The following NCAM2 variants were observed in gnomAD, a reference collection of about 807,000 sequenced individuals.
The protein encoded by NCAM2 is N-CAM-2.
NCAM2 carries 30 observed loss-of-function variants against 98.1 expected under a neutral mutation model. The observed-to-expected ratio is 0.31, with a 90% confidence interval of 0.23 to 0.41. The LOEUF (loss-of-function observed/expected upper bound fraction) is 0.41, where lower values mean the gene tolerates loss of function less well. Ranked by LOEUF, NCAM2 falls within the 10% of genes least tolerant of loss-of-function variation. The pLI is 1.00. For synonymous variants in NCAM2, 368 were observed against 342.4 expected, an observed-to-expected ratio of 1.07 and a Z score of -0.83; for missense variants, 867 against 1,005.8, an observed-to-expected ratio of 0.86 and a Z score of 1.87.
chr21:21,091,283 CT>C (rs972333818), intron 1 of NCAM2, among the ~76,000 whole-genome samples: 1 of 152,004 alleles, frequency 6.6e-6, no homozygotes, highest in East Asian at 1.9e-4. Flanking sequence ...TTATTACAGT[CT>C]TTTTTTATTT....
In NCAM2 at chr21:21,458,135, C is replaced by T. The variant is rs1982423055; in HGVS notation, c.1655-8471C>T. Among the ~76,000 whole-genome samples the T allele has an allele frequency of 3.9e-5, 6 of 152,192 alleles. No individual in the cohort carries two copies. In the South Asian group the frequency reaches 1.2e-3, roughly 31 times the overall value. On this transcript the variant is annotated intron_variant, in intron 12 of 17. Coordinates refer to ENST00000400546, the MANE Select transcript of NCAM2 (RefSeq NM_004540.5). ...AAGGTGCCTACAGGATCTCCTAGTGCCATCTCACATCGTGGGCTCTGCTCC... is the reference window on the plus strand; with the variant it reads ...AAGGTGCCTACAGGATCTCCTAGTGTCATCTCACATCGTGGGCTCTGCTCC...
intron 1 of NCAM2, among the ~76,000 whole-genome samples, chr21:21,226,217 C>T (rs1012344477): frequency 1.3e-5 from 2 of 151,974 alleles, no homozygotes; most frequent in South Asian, 4.2e-4. Context: ...ACGTGCACTA[C>T]TGGGACGACA....
chr21:21,366,869 G>A (rs983925223), intron 8 of NCAM2, among the ~76,000 whole-genome samples: 28 of 151,852 alleles, frequency 1.8e-4, no homozygotes, highest in Non-Finnish European at 1.2e-4. Context: ...TTTTGACTTT[G>A]TATTAGATAC....
intron 12 of NCAM2, among the ~76,000 whole-genome samples, chr21:21,461,423 TATACTC>T (rs1479082301): frequency 1.3e-5 from 2 of 151,878 alleles, no homozygotes; most frequent in Non-Finnish European, 1.5e-5. Context: ...GAGTATAACT[TATACTC>T]ATGATGGAAA....
At chr21:21,280,237 T>TG (rs2069336337) in intron 1 of NCAM2, among the ~76,000 whole-genome samples, 13 of 152,226 alleles carry the variant, frequency 8.5e-5, no homozygotes, top group Admixed American at 7.9e-4. Flanking sequence ...TGGGCAAACA[T>TG]CTTTTTTTTA....
intron 1 of NCAM2, among the ~76,000 whole-genome samples, chr21:21,260,764 AG>A (rs535423157): frequency 1.4e-3 from 212 of 152,318 alleles, no homozygotes; most frequent in Non-Finnish European, 2.3e-3. Flanking sequence ...ATGTAAGTAC[AG>A]AGTTCACAGA....
At chr21:20,999,687 A>G (rs2063984207) in intron 1 of NCAM2, among the ~76,000 whole-genome samples, 2 of 152,246 alleles carry the variant, frequency 1.3e-5, no homozygotes, top group Non-Finnish European at 2.9e-5. Context: ...AATAAATTAC[A>G]AGACAAGTTA....
chr21:21,481,200 A>C (rs1035934088), intron 15 of NCAM2, among the ~76,000 whole-genome samples: 8 of 152,166 alleles, frequency 5.3e-5, no homozygotes, highest in Admixed American at 2.0e-4. Flanking sequence ...TTTCCAGAGA[A>C]TATTTCTTGA....
At chr21:21,494,493 C>A (rs779179918) in intron 15 of NCAM2, among the ~76,000 whole-genome samples, 4 of 151,788 alleles carry the variant, frequency 2.6e-5, no homozygotes, top group Admixed American at 1.3e-4. Context: ...TTGAAGCTGC[C>A]TTTTCTACTA....
chr21:21,185,915 G>A (rs1035669174), intron 1 of NCAM2, among the ~76,000 whole-genome samples: 2 of 152,064 alleles, frequency 1.3e-5, no homozygotes, highest in East Asian at 1.9e-4. Flanking sequence ...AATGCAGCCC[G>A]AACTAACATT....
intron 14 of NCAM2, 50 bp from the exon 15 acceptor site, chr21:21,477,241 T>C (rs992347572): frequency 7.2e-7 from 1 of 1,386,112 alleles, no homozygotes; most frequent in African/African-American, 1.5e-5. Context: ...TAAAAAGGTG[T>C]CACTTTAGTG....
At chr21:21,112,985 C>CT (rs2066484837) in intron 1 of NCAM2, among the ~76,000 whole-genome samples, 1 of 152,050 alleles carries the variant, frequency 6.6e-6, no homozygotes, top group Non-Finnish European at 1.5e-5. Context: ...GAACAGCATT[C>CT]TTTTTTCACA....
chr21:21,143,506 C>T (rs2067210230), intron 1 of NCAM2, among the ~76,000 whole-genome samples: 1 of 152,124 alleles, frequency 6.6e-6, no homozygotes, highest in Non-Finnish European at 1.5e-5. Context: ...TTTTCCCTCT[C>T]CCACTTGTAG....
rs1427743725 is a variant in NCAM2, at chr21:21,106,511, CTAT to C, written c.55+107897_55+107899del. Among the ~76,000 whole-genome samples, 3 of 151,826 alleles carry C rather than the reference CTAT, an allele frequency of 2.0e-5. No individual in the cohort carries two copies. In the East Asian group the frequency reaches 5.8e-4, roughly 29 times the overall value. Reference sequence around the variant, plus strand: ...AAAACATTACCTATATTATGACTTTCTATTATAAGAAATATTACAAAGTTAATT... The same window carrying C: ...AAAACATTACCTATATTATGACTTTCTATAAGAAATATTACAAAGTTAATT... On this transcript the variant is annotated intron_variant, in intron 1 of 17. Coordinates refer to ENST00000400546, the MANE Select transcript of NCAM2 (RefSeq NM_004540.5).
Position 21,537,926 on chromosome 21 carries a change from T to C in NCAM2, c.2483T>C (p.Ile828Thr), listed in dbSNP as rs1444610014. The C allele has an allele frequency of 6.4e-7, 1 of 1,574,476 alleles. No individual in the cohort carries two copies. Among genetic ancestry groups the C allele is most frequent in the East Asian group, 2.3e-5 (1 of 43,678 alleles). The change falls in exon 18 of 18, where the codon ATT (isoleucine) becomes ACT (threonine). Residue 828 changes from isoleucine to threonine, a missense_variant. Physicochemically the swap from Ile to Thr is moderately conservative, Grantham distance 89. Coordinates refer to ENST00000400546, the MANE Select transcript of NCAM2 (RefSeq NM_004540.5). ...TIEIKVSNDI[I>T]QSKEDDSKA Reference sequence around the variant, plus strand: ...GAAATTAAAGTTTCTAACGACATCATTCAATCAAAAGAAGACGACAGCAAA... The same window carrying C: ...GAAATTAAAGTTTCTAACGACATCACTCAATCAAAAGAAGACGACAGCAAA...
intron 1 of NCAM2, chr21:21,223,824 A>G (rs1383466839): frequency 1.3e-5 from 2 of 152,216 alleles, no homozygotes; most frequent in East Asian, 1.9e-4. Context: ...ACTGCATACA[A>G]TATAAACAGA....
intron 1 of NCAM2, among the ~76,000 whole-genome samples, chr21:21,183,419 C>T (rs953662381): frequency 5.3e-5 from 8 of 152,126 alleles, no homozygotes; most frequent in African/African-American, 1.9e-4. Flanking sequence ...TCTGTCTTTA[C>T]TGTGAAGTGA....
At chr21:21,096,346 G>C (rs1470686912) in intron 1 of NCAM2, among the ~76,000 whole-genome samples, 1 of 151,342 alleles carries the variant, frequency 6.6e-6, no homozygotes, top group African/African-American at 2.4e-5. Context: ...ACTTTGCACA[G>C]TAGTGGATTG....
chr21:21,531,082 T>G (rs988076838), intron 16 of NCAM2, among the ~76,000 whole-genome samples: 1 of 152,190 alleles, frequency 6.6e-6, no homozygotes, highest in African/African-American at 2.4e-5. Context: ...TTTTGGTTAC[T>G]TTGTTTTAAT....
Sources: allele counts gnomAD v4.1 joint callset (sites outside exome capture counted in the v4.1 genomes callset), GRCh38; gene constraint gnomAD v4.1.1; transcripts MANE v1.5; gene names NCBI Gene and HGNC (gene_info 2026-07-23, HGNC 2026-07-21).